The following WDFY4 variants were observed in gnomAD, a reference collection of about 807,000 sequenced individuals.
WDFY4 encodes WD repeat- and FYVE domain-containing protein 4.
Under a neutral mutation model 351.9 loss-of-function variants are expected in WDFY4, and 169 were observed. The ratio of observed to expected loss-of-function variants is 0.48; its 90% CI spans 0.42 to 0.55. The LOEUF (loss-of-function observed/expected upper bound fraction) is 0.55, where lower values mean the gene tolerates loss of function less well. WDFY4 is among the 20% of genes least tolerant of loss of function. The pLI, the probability that WDFY4 is intolerant of heterozygous loss-of-function variation, is 0.00. For missense variants in WDFY4, 3,803 were observed against 3,935.6 expected (o/e 0.97, Z 0.90); for synonymous variants, 1,622 against 1,574.6 (o/e 1.03, Z -0.71).
At position 48,776,835 on chromosome 10, in the gene WDFY4, G is replaced by A. The variant is rs753736504; in HGVS notation, c.2949G>A (p.Pro983=). 7.3e-5 allele frequency: 113 copies of A among 1,551,668 alleles called. No homozygotes were observed. The highest frequency in any genetic ancestry group is 9.0e-5 in the Non-Finnish European group (103 of 1,147,000). ...TGCACCCTGGAGTCACACAGGCCCCGCAGCCCTTGGGGGAATCCCAGGATT... is the reference window on the plus strand; with the variant it reads ...TGCACCCTGGAGTCACACAGGCCCCACAGCCCTTGGGGGAATCCCAGGATT... ...AGLHPGVTQA[P]QPLGESQDST... is the part of the protein sequence containing the mutation. Residue 983 remains proline, a synonymous_variant, in exon 16 of 62, where the codon CCG becomes CCA. Coordinates refer to ENST00000325239, the MANE Select transcript of WDFY4 (RefSeq NM_001394531.1).
At chr10:48,799,968 C>A (rs1446697971) in intron 24 of WDFY4, among the ~76,000 whole-genome samples, 1 of 152,114 alleles carries the variant, frequency 6.6e-6, no homozygotes, top group Non-Finnish European at 1.5e-5. Context: ...TCACAGCAAC[C>A]TCTGTCTCAT....
chr10:48,890,520 C>T (rs1293623013), intron 43 of WDFY4, 59 bp from the exon 44 acceptor site: 9 of 1,547,890 alleles, frequency 5.8e-6, no homozygotes, highest in Middle Eastern at 1.7e-4. Context: ...CCTGTTTCCC[C>T]CAAGAATCAT....
chr10:48,873,089 C>A (rs1303959581), intron 40 of WDFY4, among the ~76,000 whole-genome samples: 1 of 152,154 alleles, frequency 6.6e-6, no homozygotes, highest in Non-Finnish European at 1.5e-5. Context: ...GTTCAGGCAA[C>A]TGGAAAAAAG....
rs370153504 is a variant in WDFY4 at position 48,810,763 on chromosome 10, G to A, written c.5044+28G>A. On this transcript the variant is annotated intron_variant, in intron 29 of 61. Coordinates refer to ENST00000325239, the MANE Select transcript of WDFY4 (RefSeq NM_001394531.1). The stretch of plus-strand genomic sequence containing the variant: ...GAGCACGTGGCTGTCTCCAGGGAGT[G>A]GGGCACCACCTAGTCCTGGGATGTG... 4.4e-5 allele frequency: 66 copies of A among 1,491,074 alleles called. No homozygotes were observed. The African/African-American group carries it at 8.7e-4, about 20-fold the overall frequency. 92.4% of individuals were successfully genotyped at this position (1,491,074 alleles called of 1,614,324 possible).
In WDFY4 at chr10:48,736,053, A is replaced by G; in HGVS notation, c.1861A>G (p.Lys621Glu). The G allele has an allele frequency of 6.4e-7, 1 of 1,551,798 alleles. No homozygotes were observed. The part of the protein sequence containing the change: ...CSSTQGELQL[K>E]LDLLKSLLRI... ...ATCCACTCAAGGGGAGCTGCAGCTGAAACTGGATCTCCTGAAGGTGATTTC... is the reference window on the plus strand; with the variant it reads ...ATCCACTCAAGGGGAGCTGCAGCTGGAACTGGATCTCCTGAAGGTGATTTC... The change falls in exon 11 of 62, where the codon AAA becomes GAA. Residue 621 changes from lysine to glutamate, a missense_variant. By Grantham distance (56) the Lys-to-Glu change is moderately conservative. Around this residue, in one of 3 missense-constraint regions of WDFY4, gnomAD observed 261 missense variants for 330.2 expected, o/e 0.79. Coordinates refer to ENST00000325239, the MANE Select transcript of WDFY4 (RefSeq NM_001394531.1).
intron 30 of WDFY4, among the ~76,000 whole-genome samples, chr10:48,812,864 T>A (rs2132933834): frequency 6.6e-6 from 1 of 152,286 alleles, no homozygotes; most frequent in East Asian, 1.9e-4. Context: ...TAAGACTGGC[T>A]GCTCTGTGCT....
intron 47 of WDFY4, among the ~76,000 whole-genome samples, chr10:48,932,276 C>G (rs1346898542): frequency 1.3e-5 from 2 of 152,168 alleles, no homozygotes; most frequent in African/African-American, 4.8e-5. Context: ...CCGTCTCCAT[C>G]ACCTCCCTCA....
intron 10 of WDFY4, among the ~76,000 whole-genome samples, chr10:48,735,481 T>C (rs773540695): frequency 1.2e-4 from 18 of 152,162 alleles, no homozygotes; most frequent in South Asian, 2.1e-4. Context: ...CTTTTATTAC[T>C]TAGGTTTCTA....
intron 46 of WDFY4, 92 bp downstream of exon 46, chr10:48,900,398 G>T: frequency 8.1e-7 from 1 of 1,240,326 alleles, no homozygotes; most frequent in Non-Finnish European, 1.1e-6. Flanking sequence ...CAGGAAAAGT[G>T]TTCTCAACCC....
chr10:48,976,870 C>T lies in WDFY4; in HGVS notation c.9182C>T (p.Thr3061Ile). ...NVNGQPLASITTAWGPEGAIT... is the reference protein window; with the variant it reads ...NVNGQPLASIITAWGPEGAIT... ...AATGGACAGCCCCTGGCCAGCATCACCACAGCCTGGGGCCCAGAAGGAGCC... is the reference window on the plus strand; with the variant it reads ...AATGGACAGCCCCTGGCCAGCATCATCACAGCCTGGGGCCCAGAAGGAGCC... Residue 3061 changes from threonine to isoleucine, a missense_variant, in exon 59 of 62, where the codon ACC becomes ATC. Thr to Ile is a moderately conservative substitution (Grantham distance 89, BLOSUM62 -1). Coordinates refer to ENST00000325239, the MANE Select transcript of WDFY4 (RefSeq NM_001394531.1). 3 of 1,539,568 alleles carry T rather than the reference C, an allele frequency of 1.9e-6. No individual in the cohort carries two copies. Among genetic ancestry groups the T allele is most frequent in the Non-Finnish European group, 2.6e-6 (3 of 1,140,374 alleles).
At chr10:48,901,258 C>G (rs984368428) in intron 46 of WDFY4, among the ~76,000 whole-genome samples, 5 of 152,246 alleles carry the variant, frequency 3.3e-5, no homozygotes, top group Non-Finnish European at 2.9e-5. Context: ...TATTCAAGGC[C>G]TAGTTTAGAC....
chr10:48,948,221 C>T (rs1343041090), intron 51 of WDFY4, among the ~76,000 whole-genome samples: 1 of 152,188 alleles, frequency 6.6e-6, no homozygotes, highest in African/African-American at 2.4e-5. Flanking sequence ...TGTATAACCC[C>T]CTCTCCCTGG....
At chr10:48,710,111 G>A (rs897244892) in intron 2 of WDFY4, 145 bp downstream of exon 2, 11 of 720,194 alleles carry the variant, frequency 1.5e-5, no homozygotes, top group African/African-American at 1.4e-4. Context: ...TAGTCTGCTA[G>A]GGCCACTATA....
intron 34 of WDFY4, among the ~76,000 whole-genome samples, chr10:48,821,543 T>G (rs1265005406): frequency 6.6e-6 from 1 of 152,228 alleles, no homozygotes; most frequent in East Asian, 1.9e-4. Context: ...ACGGGATAGG[T>G]GCACAGCTGA....
chr10:48,816,597 A>G (rs1451919984), intron 31 of WDFY4, among the ~76,000 whole-genome samples: 3 of 152,192 alleles, frequency 2.0e-5, no homozygotes, highest in African/African-American at 7.2e-5. Context: ...AAAGATGTAT[A>G]TTTTCTGTAT....
intron 47 of WDFY4, among the ~76,000 whole-genome samples, chr10:48,911,653 A>G (rs1292862431): frequency 6.6e-6 from 1 of 152,248 alleles, no homozygotes; most frequent in Non-Finnish European, 1.5e-5. Flanking sequence ...GGAATGCTAT[A>G]ATTTTAACTA....
intron 10 of WDFY4, among the ~76,000 whole-genome samples, chr10:48,735,612 T>C (rs926692550): frequency 1.3e-5 from 2 of 152,052 alleles, no homozygotes; most frequent in African/African-American, 2.4e-5. Flanking sequence ...TATGGGGAGA[T>C]GTTAGTCATT....
chr10:48,731,568 A>C lies in WDFY4; in HGVS notation c.1582+6A>C. 6.5e-7 allele frequency: 1 copy of C among 1,548,572 alleles called. No individual in the cohort carries two copies. ...CAAGATCATGAGGAAGTCAGGTGCC[A>C]CTGGGTGCATTGGGAGGGATGGGCA... On this transcript the variant is annotated splice_donor_region_variant and intron_variant, in intron 9 of 61. Coordinates refer to ENST00000325239, the MANE Select transcript of WDFY4 (RefSeq NM_001394531.1).
At chr10:48,952,240 C>G (rs1383366833) in intron 51 of WDFY4, among the ~76,000 whole-genome samples, 2 of 152,166 alleles carry the variant, frequency 1.3e-5, no homozygotes, top group Admixed American at 6.5e-5. Context: ...CTGCCTGCAG[C>G]TCAGCCCCTG....
Sources: gnomAD v4.1 joint callset for allele counts (sites outside exome capture counted in the v4.1 genomes callset) on GRCh38, gnomAD v4.1.1 for gene constraint, gnomAD v4.1.1 regional missense constraint, MANE v1.5 for transcripts, NCBI Gene and HGNC (gene_info 2026-07-23, HGNC 2026-07-21) for gene names.